The following RIMS2 variants were observed in gnomAD, a reference collection of about 807,000 sequenced individuals.
RIMS2 encodes the protein regulating synaptic membrane exocytosis protein 2.
A neutral mutation model predicts 174.4 loss-of-function variants in RIMS2; 59 were observed. The observed-to-expected ratio is 0.34, with a 90% CI of 0.27 to 0.42. The LOEUF (loss-of-function observed/expected upper bound fraction) is 0.42. Among genes scored for constraint, RIMS2 ranks in the 10% least tolerant of loss-of-function variants. The pLI, the probability that RIMS2 is intolerant of heterozygous loss-of-function variation, is 1.00. For synonymous variants in RIMS2, 606 were observed against 572.5 expected (o/e 1.06, Z -0.84); for missense variants, 1,620 against 1,666.3 (o/e 0.97, Z 0.48).
intron 2 of RIMS2, among the ~76,000 whole-genome samples, chr8:103,719,800 A>C (rs1254465237): frequency 6.6e-6 from 1 of 152,324 alleles, no homozygotes; most frequent in East Asian, 1.9e-4. Flanking sequence ...GTTACTAAAT[A>C]CTGACCTAGG....
At chr8:103,975,539 G>A in intron 16 of RIMS2, 33 bp downstream of exon 18, 1 of 1,550,312 alleles carries the variant, frequency 6.5e-7, no homozygotes, top group Non-Finnish European at 8.9e-7. Flanking sequence ...TTTGTAGGGT[G>A]GCTGTATTAG....
intron 13 of RIMS2, among the ~76,000 whole-genome samples, chr8:103,940,800 C>T (rs781100172): frequency 3.1e-4 from 46 of 149,618 alleles, no homozygotes; most frequent in Admixed American, 9.4e-4. Flanking sequence ...CACTTGAGCC[C>T]GGGAGGCGGA....
chr8:103,708,213 T>C (rs1242132452), intron 2 of RIMS2, among the ~76,000 whole-genome samples: 1 of 152,198 alleles, frequency 6.6e-6, no homozygotes, highest in Non-Finnish European at 1.5e-5. Flanking sequence ...TCAAGGCCAC[T>C]TTTGTTAGCC....
At chr8:103,683,946 T>C (rs2096909150) in intron 1 of RIMS2, among the ~76,000 whole-genome samples, 1 of 152,170 alleles carries the variant, frequency 6.6e-6, no homozygotes, top group South Asian at 2.1e-4. Context: ...TTTTCATTGA[T>C]ATTAGGTGTA....
intron 19 of RIMS2, 119 bp from the exon 26 acceptor site, chr8:104,244,797 A>G (rs2099321636): frequency 1.3e-6 from 1 of 756,998 alleles, no homozygotes; most frequent in South Asian, 1.9e-5. Context: ...CTGCCTCCTT[A>G]ACAAGAGCAC....
At chr8:103,743,342 A>G (rs1489829053) in intron 2 of RIMS2, among the ~76,000 whole-genome samples, 5 of 152,182 alleles carry the variant, frequency 3.3e-5, no homozygotes, top group African/African-American at 1.2e-4. Context: ...TAAGAAAATT[A>G]TGATGACTCC....
intron 3 of RIMS2, among the ~76,000 whole-genome samples, chr8:103,820,815 G>T (rs760072337): frequency 6.6e-6 from 1 of 151,528 alleles, no homozygotes; most frequent in African/African-American, 2.4e-5. Flanking sequence ...GAAATGTTAG[G>T]ATATTCTAAA....
At chr8:103,829,836 C>T (rs1349098851) in intron 3 of RIMS2, among the ~76,000 whole-genome samples, 1 of 151,948 alleles carries the variant, frequency 6.6e-6, no homozygotes, top group Admixed American at 6.6e-5. Flanking sequence ...GCACATGTAC[C>T]CCCAAACCTA....
At chr8:103,813,073 G>A (rs576390650) in intron 3 of RIMS2, among the ~76,000 whole-genome samples, 1 of 152,232 alleles carries the variant, frequency 6.6e-6, no homozygotes, top group African/African-American at 2.4e-5. Flanking sequence ...GATACATATT[G>A]TGTATCTTAT....
chr8:104,063,488 A>G (rs1390776670), intron 19 of RIMS2, among the ~76,000 whole-genome samples: 1 of 152,182 alleles, frequency 6.6e-6, no homozygotes, highest in African/African-American at 2.4e-5. Context: ...CCTGAGGTTG[A>G]ATATTTATAT....
intron 3 of RIMS2, among the ~76,000 whole-genome samples, chr8:103,874,137 T>C (rs1410272374): frequency 6.6e-6 from 1 of 152,082 alleles, no homozygotes; most frequent in Non-Finnish European, 1.5e-5. Flanking sequence ...GAAGGTTCTC[T>C]GACTTATGCC....
At chr8:104,201,657 A>G (rs571815167) in intron 19 of RIMS2, among the ~76,000 whole-genome samples, 15 of 152,288 alleles carry the variant, frequency 9.8e-5, no homozygotes, top group Non-Finnish European at 2.1e-4. Flanking sequence ...CCTTTAAATG[A>G]TGAAATGAGA....
rs182292204 is a variant in RIMS2 at position 103,986,285 on chromosome 8, G to C, written c.2928-3020G>C. Among the ~76,000 whole-genome samples the C allele has an allele frequency of 1.8e-3, 269 of 152,182 alleles. 3 individuals are homozygous for C. Among genetic ancestry groups the C allele is most frequent in the Non-Finnish European group, 4.9e-4 (33 of 67,994 alleles). On this transcript the variant is annotated intron_variant, in intron 16 of 23. Coordinates refer to ENST00000504942, the Ensembl canonical transcript of RIMS2. The stretch of plus-strand genomic sequence containing the variant: ...ATTTAGGAAACAGTACAGAACAATG[G>C]AGAAAGTCCTGAAAAAATGTGAAGG...
intron 1 of RIMS2, among the ~76,000 whole-genome samples, chr8:103,612,308 G>T (rs890406929): frequency 6.6e-6 from 1 of 152,080 alleles, no homozygotes; most frequent in Non-Finnish European, 1.5e-5. Context: ...TAGCTTGTTT[G>T]GTGAGGTTAT....
At chr8:104,186,012 T>C (rs2098966051) in intron 19 of RIMS2, among the ~76,000 whole-genome samples, 2 of 151,596 alleles carry the variant, frequency 1.3e-5, no homozygotes. Flanking sequence ...AGATAAAATG[T>C]GATATATATA....
At chr8:104,035,024 C>T (rs1334857347) in intron 19 of RIMS2, among the ~76,000 whole-genome samples, 1 of 152,142 alleles carries the variant, frequency 6.6e-6, no homozygotes, top group Admixed American at 6.5e-5. Context: ...GGAAGAGTTA[C>T]AATTTTGCCT....
intron 19 of RIMS2, among the ~76,000 whole-genome samples, chr8:104,220,654 G>A (rs899315427): frequency 5.9e-5 from 9 of 152,072 alleles, no homozygotes; most frequent in Non-Finnish European, 1.2e-4. Context: ...CTGGAGTGCA[G>A]TGAGACCATC....
intron 19 of RIMS2, among the ~76,000 whole-genome samples, chr8:104,193,286 GT>G (rs2099007165): frequency 6.6e-6 from 1 of 151,902 alleles, no homozygotes; most frequent in Admixed American, 6.6e-5. Flanking sequence ...CTTCTTCCTG[GT>G]TTTATTCCTA....
At chr8:103,525,509 C>CG (rs1554598756) in intron 1 of RIMS2, among the ~76,000 whole-genome samples, 1 of 152,082 alleles carries the variant, frequency 6.6e-6, no homozygotes, top group Non-Finnish European at 1.5e-5. Context: ...AGAGGCAGTC[C>CG]GGCCTAGCTT....
Sources: allele counts gnomAD v4.1 joint callset (sites outside exome capture counted in the v4.1 genomes callset), GRCh38; gene constraint gnomAD v4.1.1; transcripts MANE v1.5; gene names NCBI Gene and HGNC (gene_info 2026-07-23, HGNC 2026-07-21).